CBARP: variants seen among roughly 807,000 people sequenced by gnomAD.
CBARP encodes voltage-dependent calcium channel beta subunit-associated regulatory protein.
Under a neutral mutation model 36.3 loss-of-function variants are expected in CBARP, and 24 were observed. That is an observed-to-expected ratio of 0.66 (90% confidence interval 0.48 to 0.93). The LOEUF (loss-of-function observed/expected upper bound fraction) is 0.93. CBARP is among the 40% of genes least tolerant of loss of function. The pLI is 0.00. For missense variants in CBARP, 1,146 were observed against 980.4 expected (o/e 1.17, Z -2.26); for synonymous variants, 586 against 453.2 (o/e 1.29, Z -3.72).
At chr19:1,234,106 T>C in intron 7 of CBARP, 85 bp downstream of exon 7, 1 of 1,378,406 alleles carries the variant, frequency 7.3e-7, no homozygotes, top group Non-Finnish European at 9.5e-7. Context: ...AGGTCATAGG[T>C]TGACCTTGGT....
chr19:1,236,107 C>T lies in CBARP; in HGVS notation c.-7G>A. On this transcript the variant is annotated 5_prime_UTR_variant, in exon 2 of 10. Coordinates refer to ENST00000650044, the MANE Select transcript of CBARP (RefSeq NM_001393918.1). ...TGGTGGCTGTGGGCTGCATTCTGAA[C>T]TGGGGAGGAGGGCCCTGTGGGGAGG... is the stretch of plus-strand genomic sequence containing the variant. 2 of 1,449,896 alleles carry T rather than the reference C, an allele frequency of 1.4e-6. No homozygotes were observed. The highest frequency in any genetic ancestry group is 2.6e-5 in the East Asian group (1 of 39,144). 89.8% of individuals were successfully genotyped at this position (1,449,896 alleles called of 1,614,324 possible).
rs202062486 is a variant in CBARP, at chr19:1,231,083, C to A, written c.1154+18G>T. On this transcript the variant is annotated intron_variant, in intron 9 of 9. Transcript: ENST00000650044. ...GCCCACAGGTCCACCCCTAGCACCT[C>A]CATCTACTGAAAAATACCTGCCGAG... 30 of 1,592,326 alleles carry A rather than the reference C, an allele frequency of 1.9e-5. No homozygotes were observed. In the East Asian group the frequency reaches 6.7e-4, roughly 36 times the overall value.
Position 1,235,501 on chromosome 19 carries a change from C to T in CBARP, c.310G>A (p.Asp104Asn), listed in dbSNP as rs2080956277. 1 of 1,591,698 alleles carries T rather than the reference C, an allele frequency of 6.3e-7. No individual in the cohort carries two copies. The highest frequency in any genetic ancestry group is 8.5e-7 in the Non-Finnish European group (1 of 1,171,558). ...YLDNGTHPAQ[D>N]PDFRGEDPEC... is the part of the protein sequence containing the mutation. The stretch of plus-strand genomic sequence containing the variant: ...ACAGCCAGGCTGGCCAGCACCTCAC[C>T]TTGGGCTGGGTGGGTGCCGTTGTCC... The change falls in exon 4 of 10, where the codon GAC becomes AAC. Residue 104 changes from aspartate (D) to asparagine (N), a missense_variant and splice_region_variant. Physicochemically the swap from Asp to Asn is conservative, Grantham distance 23. Transcript: ENST00000650044.
In CBARP at chr19:1,229,216, G is replaced by A. The variant is rs1026755282; in HGVS notation, c.2081C>T (p.Ala694Val). Residue 694 changes from alanine (A) to valine (V), a missense_variant, in exon 10 of 10, where the codon GCC becomes GTC. Transcript: ENST00000650044. This position sits in a 1 kb window ranked among gnomAD's most constrained non-coding sequence, Gnocchi z 5.1. ...GTGGTCGGGGGACGTGGGGGCGGCGGCGACCAACGCGGGAGTCGCCACGAC... is the reference window on the plus strand; with the variant it reads ...GTGGTCGGGGGACGTGGGGGCGGCGACGACCAACGCGGGAGTCGCCACGAC... ...EPVVATPALV[A>V]AAPTSPDHSP... 9.9e-6 allele frequency: 12 copies of A among 1,213,470 alleles called. No homozygotes were observed. Among genetic ancestry groups the A allele is most frequent in the Middle Eastern group, 2.7e-4 (1 of 3,718 alleles). The allele number at this position is 1,213,470 out of a possible 1,614,324, so 75.2% of individuals were successfully genotyped here. A position where few individuals can be genotyped will look rare whatever the true frequency, so the allele number is the denominator to read the frequency against.
rs761599394 is a variant in CBARP, at chr19:1,234,296, G to A, written c.663C>T (p.Gly221=). Residue 221 remains glycine (G), a synonymous_variant, in exon 7 of 10, where the codon GGC becomes GGT. Transcript: ENST00000650044. ...GGTCACCTGGCAGGGCGGAGCTGGG[G>A]CCCACAGAGCGGCCGGTGAGGGCCT... is the stretch of plus-strand genomic sequence containing the variant. ...PGKALTGRSV[G]PSSALPGDPY... The A allele has an allele frequency of 9.0e-6, 13 of 1,448,712 alleles. No homozygotes were observed. The South Asian group carries it at 1.8e-4, about 20-fold the overall frequency. The allele number at this position is 1,448,712 out of a possible 1,614,324, so 89.7% of individuals were successfully genotyped here.
chr19:1,231,450 A>T (rs1599942416), intron 8 of CBARP, among the ~76,000 whole-genome samples, 175 bp from the exon 9 acceptor site: 2 of 77,210 alleles, frequency 2.6e-5, no homozygotes, highest in Admixed American at 3.6e-4. Context: ...CACACATACA[A>T]CGCCTGGGCC....
At chr19:1,235,225 C>CGGCCACGGCAGGGAGGGCTGG in intron 4 of CBARP, 80 bp from the exon 5 acceptor site, 1 of 1,357,942 alleles carries the variant, frequency 7.4e-7, no homozygotes, top group Non-Finnish European at 9.5e-7. Flanking sequence ...CTCCTCCGGG[C>CGGCCACGGCAGGGAGGGCTGG]GGCCACGGCA....
rs762186919 is a variant in CBARP at position 1,231,038 on chromosome 19, G to A, written c.1154+63C>T. ...AGAGCGCTCCCTGGGCCGCCTAGGG[G>A]GGGGCGAAGGGGGGCAAGGGCCCAC... On this transcript the variant is annotated intron_variant, in intron 9 of 9. Transcript: ENST00000650044. 22 of 1,555,632 alleles carry A rather than the reference G, an allele frequency of 1.4e-5. No homozygotes were observed. The South Asian group carries it at 2.0e-4, about 14-fold the overall frequency.
At chr19:1,230,441 G>A in intron 9 of CBARP, 2 of 992,026 alleles carry the variant, frequency 2.0e-6, no homozygotes, top group Non-Finnish European at 2.4e-6. Context: ...CGGGAGTCAC[G>A]TTTTCCCAGC....
chr19:1,230,996 G>T (rs1353093901), intron 9 of CBARP, 105 bp downstream of exon 9: 4 of 1,546,782 alleles, frequency 2.6e-6, no homozygotes, highest in South Asian at 2.4e-5. Context: ...AGGCGAGCGC[G>T]TGTCCACGGG....
rs1445699568 is a variant in CBARP at position 1,235,793 on chromosome 19, G to A, written c.231C>T (p.His77=). 1.2e-6 allele frequency: 2 copies of A among 1,608,134 alleles called. No homozygotes were observed. Among genetic ancestry groups the A allele is most frequent in the Non-Finnish European group, 1.7e-6 (2 of 1,179,914 alleles). The change falls in exon 3 of 10, where the codon CAC becomes CAT. Residue 77 remains histidine (H), a synonymous_variant. Transcript: ENST00000650044. The part of the protein sequence containing the change: ...LLLCKRCWDV[H]QRLNRAMEEA... ...GGGCCTCGCACCTGTTGAGGCGCTG[G>A]TGGACGTCCCAGCAGCGCTTGCAGA...
In CBARP at chr19:1,230,087, C is replaced by G; in HGVS notation, c.1210G>C (p.Gly404Arg). 9.1e-7 allele frequency: 1 copy of G among 1,100,112 alleles called. No individual in the cohort carries two copies. The highest frequency in any genetic ancestry group is 1.1e-6 in the Non-Finnish European group (1 of 896,264). The allele number at this position is 1,100,112 out of a possible 1,614,324, so 68.1% of individuals were successfully genotyped here. A position where few individuals can be genotyped will look rare whatever the true frequency, so the allele number is the denominator to read the frequency against. Residue 404 changes from glycine to arginine, a missense_variant, in exon 10 of 10, where the codon GGC becomes CGC. By Grantham distance (125) the Gly-to-Arg change is moderately radical. Coordinates refer to ENST00000650044, the MANE Select transcript of CBARP (RefSeq NM_001393918.1). ...TGCTCAGGCCCCGCGCTGCCCGCGC[C>G]GCGCTCCGGGGGGGAATCGGGGCTC... ...GASPDSPPER[G>R]AGSAGPEQQQ... is the part of the protein sequence containing the mutation.
In CBARP at chr19:1,233,584, C is replaced by A; in HGVS notation, c.821G>T (p.Gly274Val). The A allele has an allele frequency of 6.2e-7, 1 of 1,610,920 alleles. No homozygotes were observed. Among genetic ancestry groups the A allele is most frequent in the African/African-American group, 1.3e-5 (1 of 75,044 alleles). ...GGATCCCGGGCCCGCCTCCCCAGGCCCTGCTGCAGCCCCGGGCCCTCCAGC... is the reference window on the plus strand; with the variant it reads ...GGATCCCGGGCCCGCCTCCCCAGGCACTGCTGCAGCCCCGGGCCCTCCAGC... Reference protein sequence around the residue: ...TKAGGPGAAAGPGEAGPGSGA... With the variant: ...TKAGGPGAAAVPGEAGPGSGA... Residue 274 changes from glycine to valine, a missense_variant, in exon 8 of 10, where the codon GGG becomes GTG. Transcript: ENST00000650044.
At chr19:1,234,934 C>T (rs1011870008) in intron 5 of CBARP, 67 bp downstream of exon 5, 110 of 1,546,038 alleles carry the variant, frequency 7.1e-5, no homozygotes, top group Non-Finnish European at 8.8e-5. Context: ...CACCCAGCTC[C>T]TCCCCCGTCC....
At chr19:1,233,778 A>C in intron 7 of CBARP, 142 bp from the exon 8 acceptor site, 1 of 834,122 alleles carries the variant, frequency 1.2e-6, no homozygotes, top group Non-Finnish European at 1.8e-6. Context: ...GGAGAGGGGC[A>C]GAAGCGGGAG....
chr19:1,230,503 A>T, intron 9 of CBARP: 3 of 1,013,760 alleles, frequency 3.0e-6, no homozygotes, highest in Non-Finnish European at 2.4e-6. Context: ...GGTTGAGTCC[A>T]GCTCAGCCCC....
rs1481762772 is a variant in CBARP, at chr19:1,228,291, C to T, written c.*888G>A. The T allele has an allele frequency of 1.4e-5, 4 of 281,098 alleles. No individual in the cohort carries two copies. Among genetic ancestry groups the T allele is most frequent in the Non-Finnish European group, 1.8e-5 (3 of 162,308 alleles). The allele number at this position is 281,098 out of a possible 1,614,324, so 17.4% of individuals were successfully genotyped here. ...AAAACCCGGAGCAAGCAGGAGTGTGCGGTCAATATTTATATCATCCAGAAA... is the reference window on the plus strand; with the variant it reads ...AAAACCCGGAGCAAGCAGGAGTGTGTGGTCAATATTTATATCATCCAGAAA... On this transcript the variant is annotated 3_prime_UTR_variant, in exon 10 of 10. Coordinates refer to ENST00000650044, the MANE Select transcript of CBARP (RefSeq NM_001393918.1).
At chr19:1,234,910 C>A in intron 5 of CBARP, 91 bp downstream of exon 5, 1 of 1,517,424 alleles carries the variant, frequency 6.6e-7, no homozygotes, top group Non-Finnish European at 8.8e-7. Context: ...CTGCCTTGGT[C>A]CCTGCAGCCT....
intron 8 of CBARP, 112 bp from the exon 9 acceptor site, chr19:1,231,387 C>T (rs1413650297): frequency 2.3e-5 from 32 of 1,391,062 alleles, no homozygotes; most frequent in South Asian, 9.9e-5. Context: ...TGTGCCCCCC[C>T]GCCACACACA....
Sources: gnomAD v4.1 joint callset for allele counts (sites outside exome capture counted in the v4.1 genomes callset) on GRCh38, gnomAD v4.1.1 for gene constraint, Gnocchi (gnomAD v3.1) non-coding constraint, MANE v1.5 for transcripts, NCBI Gene and HGNC (gene_info 2026-07-23, HGNC 2026-07-21) for gene names.